MTARC1: variants seen among roughly 807,000 people sequenced by gnomAD.
MTARC1 encodes mitochondrial amidoxime-reducing component 1.
MTARC1 carries 24 observed loss-of-function variants against 33.6 expected under a neutral mutation model. The ratio of observed to expected loss-of-function variants is 0.72; its 90% CI spans 0.52 to 1.01. The LOEUF (loss-of-function observed/expected upper bound fraction) is 1.01. MTARC1 is among the 50% of genes least tolerant of loss of function. The pLI is 0.00. For synonymous variants in MTARC1, 187 were observed against 189.5 expected (o/e 0.99, Z 0.11); for missense variants, 417 against 445.7 (o/e 0.94, Z 0.58).
chr1:220,801,605 G>C lies in MTARC1; in HGVS notation c.754-3447G>C, dbSNP rs575451334. On this transcript the variant is annotated intron_variant, in intron 4 of 6. Transcript: ENST00000366910. ...GAAGGTATGAGAGAATGGCCATCTT[G>C]CAGTGCTGGGGCTCAGGAGAGGAGG... Among the ~76,000 whole-genome samples the C allele has an allele frequency of 4.6e-5, 7 of 152,310 alleles. No homozygotes were observed. The South Asian group carries it at 1.5e-3, about 32-fold the overall frequency.
intron 1 of MTARC1, among the ~76,000 whole-genome samples, chr1:220,788,126 G>A (rs911201950): frequency 1.3e-5 from 2 of 152,222 alleles, no homozygotes; most frequent in Admixed American, 1.3e-4. Context: ...GAGCCACACA[G>A]CAGCAGAACC....
rs1457295836 is a variant in MTARC1 at position 220,797,882 on chromosome 1, C to G, written c.621C>G (p.Tyr207Ter). 1 of 1,614,200 alleles carries G rather than the reference C, an allele frequency of 6.2e-7. No individual in the cohort carries two copies. The highest frequency in any genetic ancestry group is 8.5e-7 in the Non-Finnish European group (1 of 1,180,014). ...GTCTATTTCCTTATCAGATTGCTTACTCAGACACCAGCCCATTCTTGATCC... is the reference window on the plus strand; with the variant it reads ...GTCTATTTCCTTATCAGATTGCTTAGTCAGACACCAGCCCATTCTTGATCC... ...DLFRPKDQIA[Y>*]SDTSPFLILS... Residue 207 changes from tyrosine (Y) to a stop codon, truncating the protein, a stop_gained, in exon 4 of 7, where the codon TAC (tyrosine) becomes TAG (stop). Transcript: ENST00000366910. LOFTEE classifies it high-confidence loss of function.
chr1:220,800,919 C>T lies in MTARC1; in HGVS notation c.753+2905C>T, dbSNP rs539813540. Among the ~76,000 whole-genome samples, 35 of 152,256 alleles carry T rather than the reference C, an allele frequency of 2.3e-4. 1 individual carries two copies. In the South Asian group the frequency reaches 5.6e-3, roughly 24 times the overall value. ...CTTCCCCCCCACTCCCCTCTCTGCC[C>T]GGATGCAGTCACCACTGGTGCTGCA... On this transcript the variant is annotated intron_variant, in intron 4 of 6. Coordinates refer to ENST00000366910, the MANE Select transcript of MTARC1 (RefSeq NM_022746.4).
intron 6 of MTARC1, among the ~76,000 whole-genome samples, chr1:220,805,829 A>C (rs1279061392): frequency 1.3e-5 from 2 of 152,208 alleles, no homozygotes; most frequent in Non-Finnish European, 2.9e-5. Flanking sequence ...TTTACTTTAA[A>C]ATTTCTTAAG....
At chr1:220,808,094 C>G (rs957997308) in intron 6 of MTARC1, among the ~76,000 whole-genome samples, 1 of 152,140 alleles carries the variant, frequency 6.6e-6, no homozygotes, top group Non-Finnish European at 1.5e-5. Context: ...TTCTCTTCCC[C>G]CTGTGTGTTG....
intron 3 of MTARC1, 53 bp from the exon 4 acceptor site, chr1:220,797,821 C>A: frequency 6.4e-7 from 1 of 1,567,290 alleles, no homozygotes; most frequent in Non-Finnish European, 8.7e-7. Context: ...GCACACCTAA[C>A]CACTGAAAAG....
intron 4 of MTARC1, chr1:220,799,138 G>A: frequency 1.0e-6 from 1 of 985,370 alleles, no homozygotes; most frequent in Non-Finnish European, 1.2e-6. Flanking sequence ...TTTATGAGAT[G>A]TATAAAAGCA....
chr1:220,787,068 C>T lies in MTARC1; in HGVS notation c.124C>T (p.Arg42Cys), dbSNP rs1277242590. ...GGCGCTGGGGGCTGTCGCCTGGCGC[C>T]GCGCATGGCCCACGCGGCGCCGGCG... The part of the protein sequence containing the change: ...AVALGAVAWR[R>C]AWPTRRRRLL... The change falls in exon 1 of 7, where the codon CGC becomes TGC. Residue 42 changes from arginine (R) to cysteine (C), a missense_variant. Transcript: ENST00000366910. The T allele has an allele frequency of 8.3e-6, 12 of 1,444,934 alleles. No homozygotes were observed. In the Admixed American group the frequency reaches 1.0e-4, roughly 12 times the overall value. 89.5% of individuals were successfully genotyped at this position (1,444,934 alleles called of 1,614,324 possible). A position where few individuals can be genotyped will look rare whatever the true frequency, so the allele number is the denominator to read the frequency against.
chr1:220,798,291 A>T (rs1672685851), intron 4 of MTARC1: 6 of 1,331,824 alleles, frequency 4.5e-6, no homozygotes, highest in Non-Finnish European at 5.8e-6. Flanking sequence ...TTGTTGAGTC[A>T]CATTTTCTTG....
In MTARC1 at chr1:220,815,421, C is replaced by G. The variant is rs1176225090; in HGVS notation, c.*2003C>G. ...CCCCGTCCGGGCAGTAACCATCATT[C>G]TCCATGGACAGGCTCTCGGGGTAGC... is the stretch of plus-strand genomic sequence containing the variant. On this transcript the variant is annotated 3_prime_UTR_variant, in exon 7 of 7. Transcript: ENST00000366910. The G allele has an allele frequency of 6.6e-6, 1 of 152,250 alleles. No individual in the cohort carries two copies. Among genetic ancestry groups the G allele is most frequent in the African/African-American group, 2.4e-5 (1 of 41,450 alleles). 9.4% of individuals were successfully genotyped at this position (152,250 alleles called of 1,614,324 possible).
rs1181498038 is a variant in MTARC1 at position 220,816,817 on chromosome 1, AG to A, written c.*3401del. On this transcript the variant is annotated 3_prime_UTR_variant, in exon 7 of 7. Coordinates refer to ENST00000366910, the MANE Select transcript of MTARC1 (RefSeq NM_022746.4). ...TAAAAGGATGGAACTGGGACTTGAT[AG>A]GTTAAAGGAGGTGTGGAGAAGTGTC... is the stretch of plus-strand genomic sequence containing the variant. The A allele has an allele frequency of 6.6e-6, 1 of 152,210 alleles. No homozygotes were observed. Among genetic ancestry groups the A allele is most frequent in the East Asian group, 1.9e-4 (1 of 5,178 alleles). 9.4% of individuals were successfully genotyped at this position (152,210 alleles called of 1,614,324 possible).
intron 1 of MTARC1, among the ~76,000 whole-genome samples, chr1:220,789,502 G>A (rs72470583): frequency 0.011 from 1,601 of 152,280 alleles, 33 homozygotes; most frequent in Admixed American, 0.046. Flanking sequence ...TTTGTGTTGG[G>A]CCTCATTCAA....
At position 220,787,325 on chromosome 1, in the gene MTARC1, C is replaced by T. The variant is rs72470575; in HGVS notation, c.275+106C>T. 10,373 of 1,349,988 alleles carry T rather than the reference C, an allele frequency of 7.7e-3. 119 individuals carry two copies. The highest frequency in any genetic ancestry group is 0.055 in the East Asian group (1,786 of 32,632). 83.6% of individuals were successfully genotyped at this position (1,349,988 alleles called of 1,614,324 possible). A position where few individuals can be genotyped will look rare whatever the true frequency, so the allele number is the denominator to read the frequency against. On this transcript the variant is annotated intron_variant, in intron 1 of 6. Transcript: ENST00000366910. ...TGCAGAGTCTGCTAACAGGTCCTTC[C>T]TCCTATTACAAAGAAACTGGGAGTT...
Position 220,811,600 on chromosome 1 carries a change from G to A in MTARC1, c.888-1692G>A, listed in dbSNP as rs72472356. Among the ~76,000 whole-genome samples, 1,414 of 151,516 alleles carry A rather than the reference G, an allele frequency of 9.3e-3. 20 individuals carry two copies. Among genetic ancestry groups the A allele is most frequent in the East Asian group, 0.051 (261 of 5,130 alleles). Reference sequence around the variant, plus strand: ...ACTTTTTCACTTTTTTTTAAAGCAAGGCAGAATAAAATGAATGATTTATCT... The same window carrying A: ...ACTTTTTCACTTTTTTTTAAAGCAAAGCAGAATAAAATGAATGATTTATCT... On this transcript the variant is annotated intron_variant, in intron 6 of 6. Transcript: ENST00000366910.
At chr1:220,797,812 C>A in intron 3 of MTARC1, 62 bp from the exon 4 acceptor site, 1 of 1,528,596 alleles carries the variant, frequency 6.5e-7, no homozygotes. Context: ...AGGAACTAGG[C>A]ACACCTAACC....
At chr1:220,787,750 G>A (rs1216171973) in intron 1 of MTARC1, among the ~76,000 whole-genome samples, 1 of 152,162 alleles carries the variant, frequency 6.6e-6, no homozygotes, top group African/African-American at 2.4e-5. Context: ...AGCACTTTGG[G>A]AGGCCGAGGC....
rs182075041 is a variant in MTARC1, at chr1:220,810,821, A to T, written c.888-2471A>T. Among the ~76,000 whole-genome samples the T allele has an allele frequency of 8.5e-5, 13 of 152,288 alleles. No homozygotes were observed. In the East Asian group the frequency reaches 2.3e-3, roughly 27 times the overall value. The stretch of plus-strand genomic sequence containing the variant: ...CCAGGGTTACATCCTGGGTGGGAAG[A>T]GTCCACTAGACTCTGAAGTCAGCCA... On this transcript the variant is annotated intron_variant, in intron 6 of 6. Transcript: ENST00000366910.
chr1:220,808,142 T>G (rs1315979996), intron 6 of MTARC1, among the ~76,000 whole-genome samples: 1 of 152,184 alleles, frequency 6.6e-6, no homozygotes, highest in Admixed American at 6.5e-5. Flanking sequence ...ATTTAGAAGG[T>G]TTATGCTCTT....
At position 220,797,997 on chromosome 1, in the gene MTARC1, T is replaced by A. The variant is rs3738178; in HGVS notation, c.736T>A (p.Cys246Ser). 9.3e-3 allele frequency: 15,016 copies of A among 1,614,246 alleles called. 839 individuals are homozygous for A. The Admixed American group carries it at 0.13, about 14-fold the overall frequency. The part of the protein sequence containing the change: ...NFRPNIVISG[C>S]DVYAEDSWDE... ...CAGGCCCAATATTGTAATTTCAGGA[T>A]GCGATGTCTATGCAGAGGTAACACT... Residue 246 changes from cysteine (C) to serine (S), a missense_variant, in exon 4 of 7, where the codon TGC (cysteine) becomes AGC (serine). Transcript: ENST00000366910.
Sources: allele counts gnomAD v4.1 joint callset (sites outside exome capture counted in the v4.1 genomes callset), GRCh38; gene constraint gnomAD v4.1.1; transcripts MANE v1.5; gene names NCBI Gene and HGNC (gene_info 2026-07-23, HGNC 2026-07-21).